The following CELF6 variants were observed in gnomAD, a reference collection of about 807,000 sequenced individuals.
CELF6 encodes the protein Bruno -like 6, RNA binding protein.
Under a neutral mutation model 53.1 loss-of-function variants are expected in CELF6, and 32 were observed. The ratio of observed to expected loss-of-function variants is 0.60; its 90% CI spans 0.46 to 0.81. The LOEUF (loss-of-function observed/expected upper bound fraction) is 0.81. Ranked by LOEUF, CELF6 falls within the 30% of genes least tolerant of loss-of-function variation. CELF6 has a pLI of 0.00. For synonymous variants in CELF6, 291 were observed against 288.8 expected (o/e 1.01, Z -0.08); for missense variants, 539 against 669.5 (o/e 0.81, Z 2.15).
intron 3 of CELF6, among the ~76,000 whole-genome samples, chr15:72,294,202 A>T (rs888220955): frequency 1.3e-5 from 2 of 152,180 alleles, no homozygotes; most frequent in South Asian, 2.1e-4. Context: ...CGTCTGCCTC[A>T]TGTTGCTCCA....
chr15:72,289,714 C>A lies in CELF6; in HGVS notation c.660G>T (p.Leu220=). ...KLADTDRERA[L]RRMQQMAGHL... ...GGCCGGCCATCTGCTGCATCCGCCG[C>A]AGCGCGCGCTCCCGGTCGGTGTCCG... Residue 220 remains leucine (L), a synonymous_variant, in exon 6 of 13, where the codon CTG becomes CTT. Transcript: ENST00000287202. This position sits in a 1 kb window ranked among gnomAD's most constrained non-coding sequence, Gnocchi z 7.6. 6.7e-7 allele frequency: 1 copy of A among 1,483,394 alleles called. No homozygotes were observed. Among genetic ancestry groups the A allele is most frequent in the Non-Finnish European group, 8.9e-7 (1 of 1,126,222 alleles). The allele number at this position is 1,483,394 out of a possible 1,614,324, so 91.9% of individuals were successfully genotyped here. A position where few individuals can be genotyped will look rare whatever the true frequency, so the allele number is the denominator to read the frequency against.
chr15:72,302,437 G>C (rs2088171747), intron 3 of CELF6, among the ~76,000 whole-genome samples: 1 of 152,162 alleles, frequency 6.6e-6, no homozygotes. Flanking sequence ...TGCTTTTCCT[G>C]CTCTTTTAAA....
chr15:72,289,547 G>A lies in CELF6; in HGVS notation c.748-40C>T. The A allele has an allele frequency of 1.3e-6, 2 of 1,489,510 alleles. No homozygotes were observed. Among genetic ancestry groups the A allele is most frequent in the Non-Finnish European group, 1.8e-6 (2 of 1,124,204 alleles). The allele number at this position is 1,489,510 out of a possible 1,614,324, so 92.3% of individuals were successfully genotyped here. A position where few individuals can be genotyped will look rare whatever the true frequency, so the allele number is the denominator to read the frequency against. ...ATGGGCGAGAGTGGAGGGCCAAGGG[G>A]CAGGCAGCTGCCCGTGCTCTCAGCC... On this transcript the variant is annotated intron_variant, in intron 6 of 12. Coordinates refer to ENST00000287202, the MANE Select transcript of CELF6 (RefSeq NM_052840.5). The surrounding 1 kb of genome is among the most constrained non-coding windows in gnomAD (Gnocchi z 7.6).
At position 72,288,766 on chromosome 15, in the gene CELF6, G is replaced by C. The variant is rs980603488; in HGVS notation, c.1093+102C>G. On this transcript the variant is annotated intron_variant, in intron 9 of 12. Transcript: ENST00000287202. The surrounding 1 kb of genome is among the most constrained non-coding windows in gnomAD (Gnocchi z 4.6). ...TCGTTCTGGGGGTAGGAGGGGATGG[G>C]AGGATCAACTCCTTGGAACAGAGCC... is the stretch of plus-strand genomic sequence containing the variant. The C allele has an allele frequency of 8.1e-6, 11 of 1,356,358 alleles. No individual in the cohort carries two copies. Among genetic ancestry groups the C allele is most frequent in the Non-Finnish European group, 1.1e-5 (11 of 968,566 alleles). 84.0% of individuals were successfully genotyped at this position (1,356,358 alleles called of 1,614,324 possible).
At position 72,319,901 on chromosome 15, in the gene CELF6, G is replaced by A; in HGVS notation, c.-27C>T. On this transcript the variant is annotated 5_prime_UTR_variant, in exon 1 of 13. Coordinates refer to ENST00000287202, the MANE Select transcript of CELF6 (RefSeq NM_052840.5). This position sits in a 1 kb window ranked among gnomAD's most constrained non-coding sequence, Gnocchi z 5.0. ...TCCCCGCCCTGTCAGCCCTCCCGCC[G>A]GTCCCACTGGTCCCGCCTGTCCCGC... 1 of 1,437,928 alleles carries A rather than the reference G, an allele frequency of 7.0e-7. No homozygotes were observed. The highest frequency in any genetic ancestry group is 1.5e-5 in the South Asian group (1 of 67,954). 89.1% of individuals were successfully genotyped at this position (1,437,928 alleles called of 1,614,324 possible). A position where few individuals can be genotyped will look rare whatever the true frequency, so the allele number is the denominator to read the frequency against.
chr15:72,294,472 A>C (rs1383532176), intron 3 of CELF6, among the ~76,000 whole-genome samples: 2 of 152,230 alleles, frequency 1.3e-5, no homozygotes, highest in Non-Finnish European at 2.9e-5. Context: ...GCAGCATAAG[A>C]AGCCACGGGG....
chr15:72,315,966 C>T (rs776209523), intron 1 of CELF6, 39 bp from the exon 2 acceptor site: 9 of 1,382,318 alleles, frequency 6.5e-6, no homozygotes, highest in Middle Eastern at 1.8e-4. Context: ...TTTCCTGAAA[C>T]CCCCAACTAT....
At chr15:72,299,417 T>G (rs1341392266) in intron 3 of CELF6, among the ~76,000 whole-genome samples, 3 of 149,040 alleles carry the variant, frequency 2.0e-5, no homozygotes, top group Admixed American at 6.7e-5. Flanking sequence ...TGGAGTGCAG[T>G]GGCATGATCT....
Position 72,319,951 on chromosome 15 carries a change from A to C in CELF6, c.-77T>G. On this transcript the variant is annotated 5_prime_UTR_variant, in exon 1 of 13. Coordinates refer to ENST00000287202, the MANE Select transcript of CELF6 (RefSeq NM_052840.5). The surrounding 1 kb of genome is among the most constrained non-coding windows in gnomAD (Gnocchi z 5.0). ...CCGTCCCCTCCCTGGACCGGTGGCGAGGGCCAGGGGGAGGGGGCGGAGCCC... is the reference window on the plus strand; with the variant it reads ...CCGTCCCCTCCCTGGACCGGTGGCGCGGGCCAGGGGGAGGGGGCGGAGCCC... 1 of 1,338,196 alleles carries C rather than the reference A, an allele frequency of 7.5e-7. No homozygotes were observed. Among genetic ancestry groups the C allele is most frequent in the Non-Finnish European group, 9.5e-7 (1 of 1,048,288 alleles). 82.9% of individuals were successfully genotyped at this position (1,338,196 alleles called of 1,614,324 possible). A position where few individuals can be genotyped will look rare whatever the true frequency, so the allele number is the denominator to read the frequency against.
chr15:72,319,736 T>C lies in CELF6; in HGVS notation c.139A>G (p.Lys47Glu). 1 of 1,602,040 alleles carries C rather than the reference T, an allele frequency of 6.2e-7. No individual in the cohort carries two copies. Among genetic ancestry groups the C allele is most frequent in the Non-Finnish European group, 8.5e-7 (1 of 1,174,144 alleles). ...AVPMKDHDAI[K>E]LFVGQIPRGL... ...CGCGGGATCTGCCCCACGAAGAGCT[T>C]GATGGCGTCGTGGTCCTTCATGGGT... The change falls in exon 1 of 13, where the codon AAG (lysine) becomes GAG (glutamate). Residue 47 changes from lysine (K) to glutamate (E), a missense_variant. Physicochemically the swap from Lys to Glu is moderately conservative, Grantham distance 56. Around this residue, in one of 3 missense-constraint regions of CELF6, gnomAD observed 84 missense variants for 87.9 expected, o/e 0.96. Transcript: ENST00000287202. This position sits in a 1 kb window ranked among gnomAD's most constrained non-coding sequence, Gnocchi z 5.0.
Position 72,287,289 on chromosome 15 carries a change from G to C in CELF6, c.1422C>G (p.Pro474=). The C allele has an allele frequency of 3.7e-6, 6 of 1,614,132 alleles. No individual in the cohort carries two copies. The highest frequency in any genetic ancestry group is 5.1e-6 in the Non-Finnish European group (6 of 1,179,998). The part of the protein sequence containing the change: ...MKRLKVQLKR[P]KDANRPY The stretch of plus-strand genomic sequence containing the variant: ...GTCAGTAAGGCCGGTTGGCATCCTT[G>C]GGCCGCTTTAGCTGGACCTTGAGCC... The change falls in exon 12 of 13, where the codon CCC becomes CCG. Residue 474 remains proline (P), a synonymous_variant. Coordinates refer to ENST00000287202, the MANE Select transcript of CELF6 (RefSeq NM_052840.5).
chr15:72,303,727 T>C (rs983574589), intron 3 of CELF6, among the ~76,000 whole-genome samples: 1 of 152,096 alleles, frequency 6.6e-6, no homozygotes, highest in East Asian at 1.9e-4. Context: ...GGATCTAAGA[T>C]GCAAGGGTGA....
At chr15:72,312,660 G>A (rs2088312992) in intron 2 of CELF6, among the ~76,000 whole-genome samples, 1 of 152,236 alleles carries the variant, frequency 6.6e-6, no homozygotes, top group Non-Finnish European at 1.5e-5. Flanking sequence ...AACAAACCAT[G>A]AAATTCCCCC....
At chr15:72,304,538 C>T (rs560356625) in intron 3 of CELF6, among the ~76,000 whole-genome samples, 27 of 152,292 alleles carry the variant, frequency 1.8e-4, no homozygotes, top group Non-Finnish European at 4.0e-4. Context: ...CTTCTTGCCT[C>T]TTCTGGGCCT....
rs750761998 is a variant in CELF6 at position 72,288,322 on chromosome 15, T to C, written c.1304A>G (p.Gln435Arg). The change falls in exon 11 of 13, where the codon CAG becomes CGG. Residue 435 changes from glutamine to arginine, a missense_variant. Gln to Arg is a conservative substitution (Grantham distance 43, BLOSUM62 1). This residue lies in a region of CELF6 where 358 missense variants were observed against 412.8 expected (regional missense o/e 0.87). Transcript: ENST00000287202. This position sits in a 1 kb window ranked among gnomAD's most constrained non-coding sequence, Gnocchi z 4.6. ...TCTCAGCTCACCAAAACACTTGCTC[T>C]GGTTGGTGGCTCGATCCACAAAGAC... Reference protein sequence around the residue: ...AKVFVDRATNQSKCFGFVSFD... With the variant: ...AKVFVDRATNRSKCFGFVSFD... 8 of 1,614,112 alleles carry C rather than the reference T, an allele frequency of 5.0e-6. No individual in the cohort carries two copies. The Admixed American group carries it at 5.0e-5, about 10-fold the overall frequency.
Position 72,319,884 on chromosome 15 carries a change from C to T in CELF6, c.-10G>A. ...CCGGCGCCGCGGCCATGTCCCCGCC[C>T]TGTCAGCCCTCCCGCCGGTCCCACT... is the stretch of plus-strand genomic sequence containing the variant. On this transcript the variant is annotated 5_prime_UTR_variant, in exon 1 of 13. Coordinates refer to ENST00000287202, the MANE Select transcript of CELF6 (RefSeq NM_052840.5). The surrounding 1 kb of genome is among the most constrained non-coding windows in gnomAD (Gnocchi z 5.0). The T allele has an allele frequency of 6.9e-7, 1 of 1,454,542 alleles. No individual in the cohort carries two copies. Among genetic ancestry groups the T allele is most frequent in the Non-Finnish European group, 9.0e-7 (1 of 1,107,154 alleles). The allele number at this position is 1,454,542 out of a possible 1,614,324, so 90.1% of individuals were successfully genotyped here. A position where few individuals can be genotyped will look rare whatever the true frequency, so the allele number is the denominator to read the frequency against.
chr15:72,311,638 G>A (rs868734368), intron 2 of CELF6, among the ~76,000 whole-genome samples: 4 of 150,522 alleles, frequency 2.7e-5, no homozygotes, highest in Non-Finnish European at 5.9e-5. Flanking sequence ...TCCTGACCTC[G>A]TGATCCGCCC....
rs1488889131 is a variant in CELF6 at position 72,319,381 on chromosome 15, C to T, written c.262+232G>A. Among the ~76,000 whole-genome samples the T allele has an allele frequency of 6.6e-6, 1 of 151,914 alleles. No homozygotes were observed. The highest frequency in any genetic ancestry group is 2.4e-5 in the African/African-American group (1 of 41,324). On this transcript the variant is annotated intron_variant, in intron 1 of 12. Transcript: ENST00000287202. This position sits in a 1 kb window ranked among gnomAD's most constrained non-coding sequence, Gnocchi z 5.0. ...ACTGCTGGGATGTGAGAGGTGGAGG[C>T]CAGGAATTTGGAGGTTAGAGTGGAG...
At chr15:72,306,283 G>T in intron 2 of CELF6, 1 of 985,212 alleles carries the variant, frequency 1.0e-6, no homozygotes, top group Non-Finnish European at 1.2e-6. Context: ...GAAAAACAGC[G>T]GCCTTCCCGT....
Sources: gnomAD v4.1 joint callset for allele counts (sites outside exome capture counted in the v4.1 genomes callset) on GRCh38, gnomAD v4.1.1 for gene constraint, gnomAD v4.1.1 regional missense constraint, Gnocchi (gnomAD v3.1) non-coding constraint, MANE v1.5 for transcripts, NCBI Gene and HGNC (gene_info 2026-07-23, HGNC 2026-07-21) for gene names.